Variants in STRN4 observed in about 807,000 individuals in gnomAD.
STRN4 encodes striatin 4, also known as striatin-4.
A neutral mutation model predicts 77.9 loss-of-function variants in STRN4; 27 were observed. The observed-to-expected ratio is 0.35, with a 90% CI of 0.26 to 0.48. The LOEUF (loss-of-function observed/expected upper bound fraction) is 0.48. Among genes scored for constraint, STRN4 ranks in the 20% least tolerant of loss-of-function variants. The probability of loss-of-function intolerance (pLI) is 0.99; values close to 1 mark genes in which losing one functional copy is unlikely to be tolerated. For missense variants in STRN4, 798 were observed against 1,049.7 expected (o/e 0.76, Z 3.31); for synonymous variants, 466 against 443.1 (o/e 1.05, Z -0.65).
At chr19:46,726,484 A>C (rs989713164) in intron 9 of STRN4, among the ~76,000 whole-genome samples, 27 of 9,358 alleles carry the variant, frequency 2.9e-3, no homozygotes, top group African/African-American at 0.025. Context: ...CTCAAGGAGC[A>C]AAAAAAAAAA....
At chr19:46,721,957 C>T in intron 16 of STRN4, 29 bp downstream of exon 16, 1 of 1,612,362 alleles carries the variant, frequency 6.2e-7, no homozygotes, top group Non-Finnish European at 8.5e-7. Context: ...TTCTCCCCAA[C>T]CCTGGTGGGA....
chr19:46,737,067 C>T (rs2054380888), intron 3 of STRN4, among the ~76,000 whole-genome samples, 166 bp from the exon 4 acceptor site: 1 of 152,200 alleles, frequency 6.6e-6, no homozygotes, highest in Non-Finnish European at 1.5e-5. Context: ...CTCGGGGATT[C>T]CTCCTCCTTG....
intron 4 of STRN4, among the ~76,000 whole-genome samples, chr19:46,735,087 CTT>C (rs1303057827): frequency 6.6e-6 from 1 of 152,128 alleles, no homozygotes; most frequent in African/African-American, 2.4e-5. Context: ...AGGTGGATCA[CTT>C]GAGCTCGGGT....
chr19:46,724,985 C>T, intron 11 of STRN4, 57 bp from the exon 12 acceptor site: 1 of 1,609,744 alleles, frequency 6.2e-7, no homozygotes, highest in Admixed American at 1.7e-5. Flanking sequence ...CCTCCCCTGG[C>T]CACAGGACCT....
At chr19:46,725,945 A>G (rs2054102700) in intron 9 of STRN4, 1 of 395,510 alleles carries the variant, frequency 2.5e-6, no homozygotes, top group Admixed American at 4.0e-5. Flanking sequence ...CCATCCCACA[A>G]GTGTGCAGGA....
Position 46,738,124 on chromosome 19 carries a change from C to A in STRN4, c.460+40G>T, listed in dbSNP as rs371280148. ...GCTTCTCCAGAACACTCAGCTTCTG[C>A]GGGAGGGTGCCGACAGTGCGAGCAT... On this transcript the variant is annotated intron_variant, in intron 3 of 17. Coordinates refer to ENST00000263280, the MANE Select transcript of STRN4 (RefSeq NM_013403.3). The surrounding 1 kb of genome is among the most constrained non-coding windows in gnomAD (Gnocchi z 4.5). 3 of 1,591,476 alleles carry A rather than the reference C, an allele frequency of 1.9e-6. No individual in the cohort carries two copies. The highest frequency in any genetic ancestry group is 2.2e-5 in the South Asian group (2 of 90,596).
At position 46,727,984 on chromosome 19, in the gene STRN4, C is replaced by T. The variant is rs1380567710; in HGVS notation, c.1063G>A (p.Gly355Ser). ...ACATCCCGCAGGTCAGCCAGAATGCCTTGGAGTTTGACCCGACGGCTTTCT... is the reference window on the plus strand; with the variant it reads ...ACATCCCGCAGGTCAGCCAGAATGCTTTGGAGTTTGACCCGACGGCTTTCT... ...ELESRRVKLQ[G>S]ILADLRDVDG... Residue 355 changes from glycine to serine, a missense_variant, in exon 8 of 18, where the codon GGC (glycine) becomes AGC (serine). Coordinates refer to ENST00000263280, the MANE Select transcript of STRN4 (RefSeq NM_013403.3). 1 of 1,614,062 alleles carries T rather than the reference C, an allele frequency of 6.2e-7. No individual in the cohort carries two copies. Among genetic ancestry groups the T allele is most frequent in the African/African-American group, 1.3e-5 (1 of 75,070 alleles).
chr19:46,720,396 C>T (rs1248112428), intron 17 of STRN4, 58 bp from the exon 18 acceptor site: 2 of 565,234 alleles, frequency 3.5e-6, no homozygotes, highest in Non-Finnish European at 5.4e-6. Context: ...GCCTCTAAGG[C>T]CTCAACCCCT....
intron 10 of STRN4, 36 bp downstream of exon 10, chr19:46,725,437 T>A (rs1224182642): frequency 1.2e-6 from 2 of 1,613,614 alleles, no homozygotes; most frequent in South Asian, 1.1e-5. Context: ...CGTCCCCAGA[T>A]GCCCCTGCCC....
Position 46,738,342 on chromosome 19 carries a change from C to T in STRN4, c.387-105G>A, listed in dbSNP as rs56374620. 214,782 of 1,060,272 alleles carry T rather than the reference C, an allele frequency of 0.2. 25,017 individuals carry two copies. Among genetic ancestry groups the T allele is most frequent in the Middle Eastern group, 0.26 (1,320 of 5,010 alleles). 65.7% of individuals were successfully genotyped at this position (1,060,272 alleles called of 1,614,324 possible). On this transcript the variant is annotated intron_variant, in intron 2 of 17. Coordinates refer to ENST00000263280, the MANE Select transcript of STRN4 (RefSeq NM_013403.3). The surrounding 1 kb of genome is among the most constrained non-coding windows in gnomAD (Gnocchi z 4.5). ...CAAACCCCAAATCACAGGGCCTCCC[C>T]CAGCTCGTCTACTACTGAGGCTGAA...
At chr19:46,734,401 T>C (rs2054316191) in intron 4 of STRN4, among the ~76,000 whole-genome samples, 2 of 152,208 alleles carry the variant, frequency 1.3e-5, no homozygotes, top group Non-Finnish European at 1.5e-5. Flanking sequence ...CACTTTAAGC[T>C]AGCAACCCCA....
chr19:46,739,292 G>A (rs2054431169), intron 1 of STRN4: 2 of 233,456 alleles, frequency 8.6e-6, no homozygotes, highest in South Asian at 1.2e-4. Context: ...GGTGGAGGTG[G>A]CGTCCCACTA....
At chr19:46,734,575 G>GT (rs1437216724) in intron 4 of STRN4, among the ~76,000 whole-genome samples, 1 of 152,162 alleles carries the variant, frequency 6.6e-6, no homozygotes, top group Non-Finnish European at 1.5e-5. Context: ...TATATGTTGG[G>GT]TTTTTTTCCT....
chr19:46,725,586 G>C lies in STRN4; in HGVS notation c.1311C>G (p.His437Gln). ...TWNPKFTLRS[H>Q]YDGIRSLAFH... ...AGGCCAGGGAACGAATGCCGTCGTA[G>C]TGCGAGCGCAGGGTGAACTTGGGGT... The change falls in exon 10 of 18, where the codon CAC (histidine) becomes CAG (glutamine). Residue 437 changes from histidine to glutamine, a missense_variant. By Grantham distance (24) the His-to-Gln change is conservative. Transcript: ENST00000263280. The C allele has an allele frequency of 6.2e-7, 1 of 1,614,216 alleles. No homozygotes were observed. The highest frequency in any genetic ancestry group is 8.5e-7 in the Non-Finnish European group (1 of 1,180,030).
Position 46,724,874 on chromosome 19 carries a change from G to C in STRN4, c.1527C>G (p.Gly509=). 4 of 1,613,988 alleles carry C rather than the reference G, an allele frequency of 2.5e-6. No homozygotes were observed. Among genetic ancestry groups the C allele is most frequent in the Non-Finnish European group, 3.4e-6 (4 of 1,180,024 alleles). The change falls in exon 12 of 18, where the codon GGC becomes GGG. Residue 509 remains glycine (G), a synonymous_variant. Transcript: ENST00000263280. ...AACTATGGATGCAGGCATCTGCCCC[G>C]CCACTGTAGCAGTATTCACTGTTGC... ...MGSNSEYCYS[G]GADACIHSWK... is the part of the protein sequence containing the mutation.
Position 46,725,603 on chromosome 19 carries a change from A to T in STRN4, c.1294T>A (p.Phe432Ile). 6.2e-7 allele frequency: 1 copy of T among 1,614,134 alleles called. No homozygotes were observed. Among genetic ancestry groups the T allele is most frequent in the Middle Eastern group, 1.6e-4 (1 of 6,062 alleles). Residue 432 changes from phenylalanine to isoleucine, a missense_variant, in exon 10 of 18, where the codon TTC (phenylalanine) becomes ATC (isoleucine). Phe to Ile is a conservative substitution (Grantham distance 21). Coordinates refer to ENST00000263280, the MANE Select transcript of STRN4 (RefSeq NM_013403.3). Reference protein sequence around the residue: ...DAFKKTWNPKFTLRSHYDGIR... With the variant: ...DAFKKTWNPKITLRSHYDGIR... Reference sequence around the variant, plus strand: ...CCGTCGTAGTGCGAGCGCAGGGTGAACTTGGGGTTCCACGTCTTCTTAAAA... The same window carrying T: ...CCGTCGTAGTGCGAGCGCAGGGTGATCTTGGGGTTCCACGTCTTCTTAAAA...
Position 46,723,373 on chromosome 19 carries a change from G to C in STRN4, c.1595-89C>G, listed in dbSNP as rs1035478262. 6 of 1,438,218 alleles carry C rather than the reference G, an allele frequency of 4.2e-6. No individual in the cohort carries two copies. The highest frequency in any genetic ancestry group is 5.5e-6 in the Non-Finnish European group (6 of 1,089,324). 89.1% of individuals were successfully genotyped at this position (1,438,218 alleles called of 1,614,324 possible). A position where few individuals can be genotyped will look rare whatever the true frequency, so the allele number is the denominator to read the frequency against. Reference sequence around the variant, plus strand: ...AGAGCCCCAGCTCTGCCAAGCCCCAGGCAGCTGGGCTCCAATCACCCACGC... The same window carrying C: ...AGAGCCCCAGCTCTGCCAAGCCCCACGCAGCTGGGCTCCAATCACCCACGC... On this transcript the variant is annotated intron_variant, in intron 12 of 17. Transcript: ENST00000263280. This position sits in a 1 kb window ranked among gnomAD's most constrained non-coding sequence, Gnocchi z 5.5.
rs2054416372 is a variant in STRN4, at chr19:46,738,643, T to C, written c.386+142A>G. Reference sequence around the variant, plus strand: ...CACCTACTCTGTCCTGTTTCTCCCCTAGAATCTTATGGTACTGGAATGATG... The same window carrying C: ...CACCTACTCTGTCCTGTTTCTCCCCCAGAATCTTATGGTACTGGAATGATG... On this transcript the variant is annotated intron_variant, in intron 2 of 17. Coordinates refer to ENST00000263280, the MANE Select transcript of STRN4 (RefSeq NM_013403.3). This position sits in a 1 kb window ranked among gnomAD's most constrained non-coding sequence, Gnocchi z 4.5. 1.2e-6 allele frequency: 1 copy of C among 805,302 alleles called. No homozygotes were observed. The highest frequency in any genetic ancestry group is 1.7e-5 in the African/African-American group (1 of 58,944). 49.9% of individuals were successfully genotyped at this position (805,302 alleles called of 1,614,324 possible). A position where few individuals can be genotyped will look rare whatever the true frequency, so the allele number is the denominator to read the frequency against.
chr19:46,726,753 C>A (rs570137043), intron 9 of STRN4, among the ~76,000 whole-genome samples: 1 of 152,236 alleles, frequency 6.6e-6, no homozygotes, highest in Non-Finnish European at 1.5e-5. Flanking sequence ...TCCCAGCTGA[C>A]GTCCCTGCCT....
Sources: gnomAD v4.1 joint callset for allele counts (sites outside exome capture counted in the v4.1 genomes callset) on GRCh38, gnomAD v4.1.1 for gene constraint, Gnocchi (gnomAD v3.1) non-coding constraint, MANE v1.5 for transcripts, NCBI Gene and HGNC (gene_info 2026-07-23, HGNC 2026-07-21) for gene names.